Variants in FCRL1 observed in about 807,000 individuals in gnomAD.
FCRL1 encodes the protein Fc receptor-like protein 1.
FCRL1 carries 34 observed loss-of-function variants against 49.2 expected under a neutral mutation model. That is an observed-to-expected ratio of 0.69 (90% CI 0.53 to 0.92). The LOEUF (loss-of-function observed/expected upper bound fraction) is 0.92, where lower values mean the gene tolerates loss of function less well. FCRL1 is among the 40% of genes least tolerant of loss of function. The pLI, the probability that FCRL1 is intolerant of heterozygous loss-of-function variation, is 0.00. For missense variants in FCRL1, 524 were observed against 524.1 expected (o/e 1.00, Z 0.00); for synonymous variants, 218 against 201.6 (o/e 1.08, Z -0.69).
chr1:157,803,972 G>A lies in FCRL1; in HGVS notation c.192C>T (p.Gly64=). ...FFRDTRALGP[G]WSSSPKLQIA... Reference sequence around the variant, plus strand: ...TCTGGAGCTTGGGGGAGCTGCTCCAGCCTGGGCCCAAGGCCCGGGTGTCTC... The same window carrying A: ...TCTGGAGCTTGGGGGAGCTGCTCCAACCTGGGCCCAAGGCCCGGGTGTCTC... The change falls in exon 3 of 11, where the codon GGC becomes GGT. Residue 64 remains glycine (G), a synonymous_variant. Transcript: ENST00000368176. 6.2e-7 allele frequency: 1 copy of A among 1,614,222 alleles called. No homozygotes were observed. Among genetic ancestry groups the A allele is most frequent in the African/African-American group, 1.3e-5 (1 of 75,054 alleles).
rs1301418123 is a variant in FCRL1, at chr1:157,817,038, T to TGGAAGAATAAATTGAAAGATATCA, written c.31+2968_31+2969insTGATATCTTTCAATTTATTCTTCC. Reference sequence around the variant, plus strand: ...AAATAAATTGAAAGATATCACATGTTCATGGATTGGAAGAATAAATACTGT... The same window carrying TGGAAGAATAAATTGAAAGATATCA: ...AAATAAATTGAAAGATATCACATGTTGGAAGAATAAATTGAAAGATATCACATGGATTGGAAGAATAAATACTGT... On this transcript the variant is annotated intron_variant, in intron 1 of 10. Transcript: ENST00000368176. 1.1e-4 allele frequency among the ~76,000 whole-genome samples: 17 copies of TGGAAGAATAAATTGAAAGATATCA among 151,970 alleles called. 1 individual carries two copies. The highest frequency in any genetic ancestry group is 2.9e-5 in the Non-Finnish European group (2 of 67,904).
Position 157,794,568 on chromosome 1 carries a change from T to A in FCRL1, c.*1531A>T, listed in dbSNP as rs1327291541. ...TAACAAGAATATTTAATATGCATAA[T>A]CTAGCAATACTAGATTTACAAATTT... is the stretch of plus-strand genomic sequence containing the variant. On this transcript the variant is annotated 3_prime_UTR_variant, in exon 11 of 11. Transcript: ENST00000368176. 2 of 152,200 alleles carry A rather than the reference T, an allele frequency of 1.3e-5. No homozygotes were observed. The highest frequency in any genetic ancestry group is 2.9e-5 in the Non-Finnish European group (2 of 68,040). The allele number at this position is 152,200 out of a possible 1,614,324, so 9.4% of individuals were successfully genotyped here. A position where few individuals can be genotyped will look rare whatever the true frequency, so the allele number is the denominator to read the frequency against.
At chr1:157,797,572 C>T (rs12132140) in intron 9 of FCRL1, 28,309 of 626,272 alleles carry the variant, frequency 0.045, 777 homozygotes, top group Non-Finnish European at 0.056. Context: ...CATGTTTTAC[C>T]TCCATCGTGT....
At position 157,800,119 on chromosome 1, in the gene FCRL1, G is replaced by A. The variant is rs369942997; in HGVS notation, c.1004-34C>T. The A allele has an allele frequency of 6.5e-5, 104 of 1,609,818 alleles. No homozygotes were observed. In the African/African-American group the frequency reaches 1.1e-3, roughly 17 times the overall value. On this transcript the variant is annotated intron_variant, in intron 6 of 10. Transcript: ENST00000368176. ...AAAACAAATGAGCATACACATAAAT[G>A]GAAGAACCCTCACTGTCAGCACTGT...
intron 1 of FCRL1, among the ~76,000 whole-genome samples, chr1:157,810,020 A>G (rs1285996106): frequency 4.6e-5 from 7 of 152,226 alleles, no homozygotes; most frequent in African/African-American, 1.7e-4. Context: ...AGCCAAATTA[A>G]AAGTGTTTCA....
chr1:157,818,411 C>G (rs1410953348), intron 1 of FCRL1, among the ~76,000 whole-genome samples: 1 of 151,768 alleles, frequency 6.6e-6, no homozygotes, highest in Non-Finnish European at 1.5e-5. Context: ...CACAGGATGA[C>G]AAGTACTGCA....
chr1:157,804,880 G>A (rs1338314776), intron 2 of FCRL1, among the ~76,000 whole-genome samples: 1 of 148,536 alleles, frequency 6.7e-6, no homozygotes, highest in Admixed American at 6.7e-5. Context: ...TCCTTTTTGA[G>A]ACAGGGTCAT....
chr1:157,818,109 T>C (rs912115816), intron 1 of FCRL1, among the ~76,000 whole-genome samples: 2 of 152,000 alleles, frequency 1.3e-5, no homozygotes, highest in Admixed American at 1.3e-4. Context: ...GCTCTTAAAA[T>C]ATAAAAAATG....
intron 1 of FCRL1, among the ~76,000 whole-genome samples, chr1:157,813,482 A>G (rs1468446811): frequency 1.3e-5 from 2 of 152,228 alleles, no homozygotes; most frequent in Admixed American, 1.3e-4. Context: ...TTTCAACAGC[A>G]AACCAGATAA....
chr1:157,812,607 C>T (rs192576594), intron 1 of FCRL1, among the ~76,000 whole-genome samples: 4 of 152,152 alleles, frequency 2.6e-5, no homozygotes, highest in Middle Eastern at 3.4e-3. Context: ...ACAACCTTGC[C>T]TGTTGGGCCT....
At chr1:157,807,701 C>A (rs997489277) in intron 1 of FCRL1, among the ~76,000 whole-genome samples, 1 of 152,216 alleles carries the variant, frequency 6.6e-6, no homozygotes, top group South Asian at 2.1e-4. Flanking sequence ...TCCAAAAATT[C>A]TCTTCTATCC....
In FCRL1 at chr1:157,801,568, C is replaced by A; in HGVS notation, c.896G>T (p.Gly299Val). The A allele has an allele frequency of 6.2e-7, 1 of 1,611,486 alleles. No individual in the cohort carries two copies. Among genetic ancestry groups the A allele is most frequent in the Non-Finnish European group, 8.5e-7 (1 of 1,177,958 alleles). ...AVTLNFTVPT[G>V]ARSNHLTSGV... ...TGAGGTAAGATGATTGCTTCTGGCC[C>A]CAGTAGGCACTAGAGGGAGAGACCT... is the stretch of plus-strand genomic sequence containing the variant. Residue 299 changes from glycine (G) to valine (V), a missense_variant, in exon 6 of 11, where the codon GGG (glycine) becomes GTG (valine). Physicochemically the swap from Gly to Val is moderately radical, Grantham distance 109. Transcript: ENST00000368176.
At position 157,804,083 on chromosome 1, in the gene FCRL1, A is replaced by G. The variant is rs764850692; in HGVS notation, c.81T>C (p.His27=). 5.6e-6 allele frequency: 9 copies of G among 1,614,136 alleles called. No individual in the cohort carries two copies. The highest frequency in any genetic ancestry group is 2.2e-5 in the South Asian group (2 of 91,078). The part of the protein sequence containing the change: ...AELFLIASPS[H]PTEGSPVTLT... ...GGGTCACTGGGCTCCCCTCTGTGGG[A>G]TGGGAGGGGCTGGCTATCAAAAACA... The change falls in exon 3 of 11, where the codon CAT becomes CAC. Residue 27 remains histidine (H), a synonymous_variant. Coordinates refer to ENST00000368176, the MANE Select transcript of FCRL1 (RefSeq NM_052938.5).
chr1:157,803,369 A>AT (rs1203955664), intron 3 of FCRL1, among the ~76,000 whole-genome samples: 2 of 152,144 alleles, frequency 1.3e-5, no homozygotes, highest in African/African-American at 2.4e-5. Context: ...TTTTCTTTCT[A>AT]TTTTTTGGAA....
chr1:157,797,165 A>C, intron 9 of FCRL1, 33 bp from the exon 10 acceptor site: 1 of 1,608,776 alleles, frequency 6.2e-7, no homozygotes, highest in Non-Finnish European at 8.5e-7. Context: ...GTGACATTCC[A>C]CTTATATTTA....
chr1:157,797,844 CA>C, intron 9 of FCRL1, 23 bp downstream of exon 9: 1 of 1,614,124 alleles, frequency 6.2e-7, no homozygotes, highest in Non-Finnish European at 8.5e-7. Context: ...AAGTCAGAGA[CA>C]AATTTACTCC....
chr1:157,807,887 T>G (rs1157017897), intron 1 of FCRL1, among the ~76,000 whole-genome samples: 1 of 152,198 alleles, frequency 6.6e-6, no homozygotes, highest in African/African-American at 2.4e-5. Flanking sequence ...GTCGGTAAAG[T>G]GTAGATAATT....
At chr1:157,813,628 G>T (rs1654642776) in intron 1 of FCRL1, among the ~76,000 whole-genome samples, 1 of 152,138 alleles carries the variant, frequency 6.6e-6, no homozygotes, top group African/African-American at 2.4e-5. Flanking sequence ...TGTATTATTA[G>T]AGTACTAGCA....
rs1320547459 is a variant in FCRL1, at chr1:157,803,907, C to T, written c.257G>A (p.Cys86Tyr). 1 of 1,614,190 alleles carries T rather than the reference C, an allele frequency of 6.2e-7. No homozygotes were observed. Among genetic ancestry groups the T allele is most frequent in the Admixed American group, 1.7e-5 (1 of 60,028 alleles). Residue 86 changes from cysteine (C) to tyrosine (Y), a missense_variant, in exon 3 of 11, where the codon TGC becomes TAC. Coordinates refer to ENST00000368176, the MANE Select transcript of FCRL1 (RefSeq NM_052938.5). Reference sequence around the variant, plus strand: ...TTTGGACGCCATTGTCTGTGCCTCGCACCAGTATGACCCTGTGTCTTCTTT... The same window carrying T: ...TTTGGACGCCATTGTCTGTGCCTCGTACCAGTATGACCCTGTGTCTTCTTT... ...MWKEDTGSYW[C>Y]EAQTMASKVL...
Sources: allele counts gnomAD v4.1 joint callset (sites outside exome capture counted in the v4.1 genomes callset), GRCh38; gene constraint gnomAD v4.1.1; transcripts MANE v1.5; gene names NCBI Gene and HGNC (gene_info 2026-07-23, HGNC 2026-07-21).